TBXAS1: variants seen among roughly 807,000 people sequenced by gnomAD.
The protein encoded by TBXAS1 is thromboxane A synthase 1.
A neutral mutation model predicts 60.7 loss-of-function variants in TBXAS1; 48 were observed. The observed-to-expected ratio is 0.79, with a 90% CI of 0.63 to 1.01. The LOEUF is 1.01. Among genes scored for constraint, TBXAS1 ranks in the 50% least tolerant of loss-of-function variants. The pLI is 0.00. For synonymous variants in TBXAS1, 287 were observed against 269.7 expected (o/e 1.06, Z -0.63); for missense variants, 685 against 686.3 (o/e 1.00, Z 0.02).
chr7:139,856,622 G>A (rs1181963908), intron 1 of TBXAS1, among the ~76,000 whole-genome samples: 7 of 152,228 alleles, frequency 4.6e-5, no homozygotes, highest in Non-Finnish European at 8.8e-5. Flanking sequence ...GAATATTTAT[G>A]AAAGGAGAAA....
intron 9 of TBXAS1, among the ~76,000 whole-genome samples, chr7:139,977,058 T>C (rs1362013750): frequency 6.6e-6 from 1 of 152,192 alleles, no homozygotes; most frequent in Non-Finnish European, 1.5e-5. Context: ...ATGACTGCTC[T>C]GATAACATTC....
rs967035293 is a variant in TBXAS1, at chr7:140,020,290, C to T, written c.*191C>T. The T allele has an allele frequency of 1.4e-6, 1 of 702,118 alleles. No individual in the cohort carries two copies. The allele number at this position is 702,118 out of a possible 1,614,324, so 43.5% of individuals were successfully genotyped here. A position where few individuals can be genotyped will look rare whatever the true frequency, so the allele number is the denominator to read the frequency against. ...TTTGTTGCACTTGGTTTTGACATTG[C>T]CAATGGGGTTTGAACCAGTGCTCTC... On this transcript the variant is annotated 3_prime_UTR_variant, in exon 13 of 13. Coordinates refer to ENST00000448866, the MANE Select transcript of TBXAS1 (RefSeq NM_001061.7).
chr7:139,995,661 G>C (rs1179669760), intron 9 of TBXAS1, among the ~76,000 whole-genome samples: 1 of 152,198 alleles, frequency 6.6e-6, no homozygotes, highest in Non-Finnish European at 1.5e-5. Context: ...CTATTGCATT[G>C]TGAAGTTGTA....
At chr7:140,012,533 A>G (rs1422743142) in intron 10 of TBXAS1, among the ~76,000 whole-genome samples, 5 of 149,964 alleles carry the variant, frequency 3.3e-5, no homozygotes, top group African/African-American at 9.9e-5. Context: ...ATCTCAGCTC[A>G]CTGCAACCTC....
At chr7:139,939,656 A>G (rs77899375) in intron 5 of TBXAS1, among the ~76,000 whole-genome samples, 6,732 of 151,852 alleles carry the variant, frequency 0.044, 351 homozygotes, top group African/African-American at 0.13. Flanking sequence ...TGCAGATGGC[A>G]CTCAGGTGGG....
At chr7:140,015,143 C>A (rs1814927585) in intron 10 of TBXAS1, among the ~76,000 whole-genome samples, 1 of 152,112 alleles carries the variant, frequency 6.6e-6, no homozygotes, top group Admixed American at 6.5e-5. Context: ...CAGACCAAGT[C>A]AGATGAAGAC....
chr7:139,926,602 G>A (rs1413009717), intron 4 of TBXAS1, among the ~76,000 whole-genome samples: 1 of 136,978 alleles, frequency 7.3e-6, no homozygotes, highest in Non-Finnish European at 1.5e-5. Context: ...TCGATCTTTT[G>A]TATTGTTTCC....
At chr7:139,826,711 AT>A (rs1353528838), upstream of TBXAS1, among the ~76,000 whole-genome samples, 6 of 152,180 alleles carry the variant, frequency 3.9e-5, no homozygotes, top group African/African-American at 1.4e-4. Context: ...TGAGGATTAA[AT>A]GAGTTGACAC....
At chr7:139,893,755 T>C (rs1169954165) in intron 3 of TBXAS1, among the ~76,000 whole-genome samples, 1 of 152,232 alleles carries the variant, frequency 6.6e-6, no homozygotes, top group Admixed American at 6.5e-5. Context: ...TATACATATA[T>C]ACCCATGCTC....
chr7:139,897,061 G>A (rs571867926), intron 3 of TBXAS1, among the ~76,000 whole-genome samples: 64 of 152,292 alleles, frequency 4.2e-4, no homozygotes, highest in African/African-American at 1.3e-3. Flanking sequence ...AGCACACTGC[G>A]TTGACATCAT....
At chr7:139,951,917 G>GAAAGAAAGAA (rs1268224246) in intron 5 of TBXAS1, among the ~76,000 whole-genome samples, 3 of 109,850 alleles carry the variant, frequency 2.7e-5, no homozygotes, top group Non-Finnish European at 5.6e-5. Flanking sequence ...GAGAAAGAAA[G>GAAAGAAAGAA]AGAGAAAGAA....
At chr7:140,007,483 T>TCATC (rs924470665) in intron 10 of TBXAS1, among the ~76,000 whole-genome samples, 1 of 152,222 alleles carries the variant, frequency 6.6e-6, no homozygotes, top group African/African-American at 2.4e-5. Flanking sequence ...GCCTGTTCGT[T>TCATC]CATTCATTCA....
Position 139,806,611 on chromosome 7 carries a change from C to T in TBXAS1, c.-80+19185C>T, listed in dbSNP as rs1021440578. On this transcript the variant is annotated intron_variant, in intron 4 of 16. Coordinates refer to the TBXAS1 transcript ENST00000336425. ...GAGTTTCTAGGAGCTGGGGATTGAA[C>T]ACCTATGCTCTGTTCCCCTTTTTCC... 3.3e-5 allele frequency among the ~76,000 whole-genome samples: 5 copies of T among 152,144 alleles called. 1 individual carries two copies. Among genetic ancestry groups the T allele is most frequent in the Admixed American group, 3.3e-4 (5 of 15,274 alleles).
At chr7:139,788,251 G>A (rs1797261892) in intron 4 of TBXAS1, among the ~76,000 whole-genome samples, 1 of 152,198 alleles carries the variant, frequency 6.6e-6, no homozygotes, top group Admixed American at 6.5e-5. Flanking sequence ...AAGATGCTAT[G>A]AGTCTGGAAC....
chr7:139,822,260 A>G (rs917951045), intron 4 of TBXAS1, among the ~76,000 whole-genome samples: 7 of 148,094 alleles, frequency 4.7e-5, no homozygotes, highest in Non-Finnish European at 1.1e-4. Context: ...TCTCTCTTAT[A>G]CTCTTTCTCT....
At chr7:139,877,832 A>C (rs1802364767) in intron 3 of TBXAS1, among the ~76,000 whole-genome samples, 1 of 148,310 alleles carries the variant, frequency 6.7e-6, no homozygotes, top group Non-Finnish European at 1.5e-5. Context: ...AAAGGTTCTC[A>C]TTCCAGCTCT....
chr7:139,798,726 C>T (rs1797635309), intron 4 of TBXAS1, among the ~76,000 whole-genome samples: 1 of 152,202 alleles, frequency 6.6e-6, no homozygotes, highest in African/African-American at 2.4e-5. Flanking sequence ...CCCAAGGAAG[C>T]TTCGGAATTT....
chr7:139,977,460 A>C (rs532545648), intron 9 of TBXAS1, among the ~76,000 whole-genome samples: 7 of 152,156 alleles, frequency 4.6e-5, no homozygotes, highest in Non-Finnish European at 1.0e-4. Context: ...CTCCCACAAC[A>C]CAAGGGAATT....
intron 4 of TBXAS1, among the ~76,000 whole-genome samples, chr7:139,801,482 T>C (rs1797722627): frequency 1.3e-5 from 2 of 152,152 alleles, no homozygotes; most frequent in African/African-American, 4.8e-5. Context: ...TTTTTTTTCT[T>C]TTTTGTGAGG....
Sources: allele counts gnomAD v4.1 joint callset (sites outside exome capture counted in the v4.1 genomes callset), GRCh38; gene constraint gnomAD v4.1.1; transcripts MANE v1.5; gene names NCBI Gene and HGNC (gene_info 2026-07-23, HGNC 2026-07-21).